SLC12A5: variants seen among roughly 807,000 people sequenced by gnomAD.
The protein encoded by SLC12A5 is K-Cl cotransporter 2.
SLC12A5 carries 18 observed loss-of-function variants against 124.0 expected under a neutral mutation model. The observed-to-expected ratio is 0.15, with a 90% CI of 0.10 to 0.22. The LOEUF (loss-of-function observed/expected upper bound fraction) is 0.22. SLC12A5 is among the 10% of genes least tolerant of loss of function. The pLI is 1.00. For missense variants in SLC12A5, 867 were observed against 1,478.7 expected (o/e 0.59, Z 6.78); for synonymous variants, 589 against 568.0 (o/e 1.04, Z -0.53).
chr20:46,021,807 G>A, upstream of SLC12A5: 2 of 1,527,904 alleles, frequency 1.3e-6, no homozygotes, highest in Non-Finnish European at 8.7e-7. Flanking sequence ...CCCCCGCAGG[G>A]CCCGCCAGAA....
intron 1 of SLC12A5, among the ~76,000 whole-genome samples, chr20:46,029,904 A>T (rs1245625295): frequency 2.4e-5 from 3 of 126,102 alleles, no homozygotes; most frequent in South Asian, 5.3e-4. Context: ...GCGCGTGCGT[A>T]TGTGTGTGTG....
At position 46,043,620 on chromosome 20, in the gene SLC12A5, TTC is replaced by T; in HGVS notation, c.1238-11_1238-10del. The T allele has an allele frequency of 2.5e-6, 4 of 1,614,048 alleles. No individual in the cohort carries two copies. In the South Asian group the frequency reaches 3.3e-5, roughly 13 times the overall value. On this transcript the variant is annotated splice_polypyrimidine_tract_variant and intron_variant, in intron 9 of 25. Transcript: ENST00000243964. Reference sequence around the variant, plus strand: ...GCCCTGGCTTGAGTCCTAGCTGCACTTCTGTTTTGCAGGGATCATGGCTGGTT... The same window carrying T: ...GCCCTGGCTTGAGTCCTAGCTGCACTTGTTTTGCAGGGATCATGGCTGGTT...
In SLC12A5 at chr20:46,057,515, C is replaced by T. The variant is rs2084707675; in HGVS notation, c.3261C>T (p.Tyr1087=). The change falls in exon 26 of 26, where the codon TAC becomes TAT. Residue 1087 remains tyrosine (Y), a splice_region_variant and synonymous_variant. Transcript: ENST00000243964. The surrounding 1 kb of genome is among the most constrained non-coding windows in gnomAD (Gnocchi z 7.1). ...TCTTTCTCCTTGACCGGCTCTCAGA[C>T]ATGGAGTTTCTCGAGGTCCTCACAG... ...PPRNRNGDEN[Y]MEFLEVLTEH... is the part of the protein sequence containing the mutation. The T allele has an allele frequency of 1.2e-6, 2 of 1,613,990 alleles. No homozygotes were observed. Among genetic ancestry groups the T allele is most frequent in the South Asian group, 1.1e-5 (1 of 91,094 alleles).
At chr20:46,052,580 C>A (rs953020464) in intron 18 of SLC12A5, among the ~76,000 whole-genome samples, 1 of 152,218 alleles carries the variant, frequency 6.6e-6, no homozygotes, top group African/African-American at 2.4e-5. Flanking sequence ...GGTTTTGAAC[C>A]AGCCCGGAGG....
intron 7 of SLC12A5, 147 bp from the exon 8 acceptor site, chr20:46,041,182 A>G (rs2084543582): frequency 3.0e-6 from 2 of 662,698 alleles, no homozygotes; most frequent in Non-Finnish European, 5.0e-6. Context: ...AAAAAAGCCA[A>G]TGGCCAGGCT....
Position 46,037,259 on chromosome 20 carries a change from T to C in SLC12A5, c.486T>C (p.Gly162=). The change falls in exon 6 of 26, where the codon GGT becomes GGC. Residue 162 remains glycine, a synonymous_variant. Coordinates refer to ENST00000243964, the MANE Select transcript of SLC12A5 (RefSeq NM_020708.5). ...GATACCAGATTCTCCCTGCAGCTGG[T>C]GGCTCCTACTACATGATTTCCAGGT... ...AIATNGVVPA[G]GSYYMISRSL... The C allele has an allele frequency of 6.2e-7, 1 of 1,600,224 alleles. No individual in the cohort carries two copies. The highest frequency in any genetic ancestry group is 1.1e-5 in the South Asian group (1 of 89,246).
intron 18 of SLC12A5, 54 bp downstream of exon 18, chr20:46,051,924 G>T (rs991642569): frequency 1.5e-6 from 2 of 1,364,570 alleles, no homozygotes; most frequent in African/African-American, 1.5e-5. Flanking sequence ...GGGCTGTAGA[G>T]GGGTGGAACT....
chr20:46,051,985 G>A, intron 18 of SLC12A5, 115 bp downstream of exon 18: 1 of 929,696 alleles, frequency 1.1e-6, no homozygotes, highest in Non-Finnish European at 1.5e-6. Flanking sequence ...TGCGTGCCAA[G>A]TGTGGATTCA....
At chr20:46,050,158 C>T (rs1160603604) in intron 17 of SLC12A5, among the ~76,000 whole-genome samples, 3 of 152,258 alleles carry the variant, frequency 2.0e-5, no homozygotes, top group African/African-American at 7.2e-5. Context: ...GCTGTGGACT[C>T]TTGATCCCTA....
intron 4 of SLC12A5, 150 bp from the exon 5 acceptor site, chr20:46,036,591 G>A (rs2084500562): frequency 2.9e-6 from 2 of 684,788 alleles, no homozygotes; most frequent in Non-Finnish European, 5.0e-6. Context: ...GGACTTGGCA[G>A]GAGTAGAAGT....
intron 18 of SLC12A5, 31 bp from the exon 19 acceptor site, chr20:46,052,926 C>T: frequency 6.3e-7 from 1 of 1,577,560 alleles, no homozygotes; most frequent in Admixed American, 1.7e-5. Context: ...TCACTGTTTC[C>T]CCCTCTGGCC....
intron 4 of SLC12A5, 160 bp downstream of exon 4, chr20:46,036,083 A>G: frequency 2.4e-6 from 2 of 842,038 alleles, no homozygotes; most frequent in South Asian, 2.2e-5. Flanking sequence ...TCCTTCCTGC[A>G]TCTCACAGGC....
chr20:46,057,818 T>C lies in SLC12A5; in HGVS notation c.*213T>C. 1 of 505,462 alleles carries C rather than the reference T, an allele frequency of 2.0e-6. No homozygotes were observed. The highest frequency in any genetic ancestry group is 3.0e-5 in the South Asian group (1 of 33,096). The allele number at this position is 505,462 out of a possible 1,614,324, so 31.3% of individuals were successfully genotyped here. ...GAGACCAGAGCTCCTCAGTGCCAGT[T>C]TGGCCCCTGGGTCTTCGCTGCCCTT... is the stretch of plus-strand genomic sequence containing the variant. On this transcript the variant is annotated 3_prime_UTR_variant, in exon 26 of 26. Coordinates refer to ENST00000243964, the MANE Select transcript of SLC12A5 (RefSeq NM_020708.5). This position sits in a 1 kb window ranked among gnomAD's most constrained non-coding sequence, Gnocchi z 7.1.
intron 13 of SLC12A5, among the ~76,000 whole-genome samples, 155 bp from the exon 14 acceptor site, chr20:46,046,183 G>T (rs559597693): frequency 1.3e-5 from 2 of 152,174 alleles, no homozygotes; most frequent in South Asian, 4.2e-4. Context: ...GTGTTGTGAG[G>T]GTATTTGGCT....
At chr20:46,054,271 C>G (rs1270847296) in intron 20 of SLC12A5, among the ~76,000 whole-genome samples, 1 of 152,190 alleles carries the variant, frequency 6.6e-6, no homozygotes, top group South Asian at 2.1e-4. Flanking sequence ...AAAAATACAG[C>G]AAAAATACAG....
At chr20:46,041,047 G>GTTT in intron 7 of SLC12A5, 1 of 410,450 alleles carries the variant, frequency 2.4e-6, no homozygotes, top group Non-Finnish European at 4.5e-6. Flanking sequence ...TCCATCCACT[G>GTTT]CTCAGAGGTG....
At position 46,043,239 on chromosome 20, in the gene SLC12A5, A is replaced by G; in HGVS notation, c.1153A>G (p.Ile385Val). 1.2e-6 allele frequency: 2 copies of G among 1,613,872 alleles called. No individual in the cohort carries two copies. Among genetic ancestry groups the G allele is most frequent in the African/African-American group, 1.3e-5 (1 of 74,934 alleles). ...GGTGGGCCTGGCCGATGGCACTCCT[A>G]TCGACATGGACCACCCTTATGTCTT... ...TSVGLADGTP[I>V]DMDHPYVFSD... Residue 385 changes from isoleucine to valine, a missense_variant, in exon 9 of 26, where the codon ATC becomes GTC. By Grantham distance (29) the Ile-to-Val change is conservative. This residue lies in a region of SLC12A5 where 127 missense variants were observed against 164.1 expected (regional missense o/e 0.77). Transcript: ENST00000243964.
At chr20:46,021,889 A>G (rs1327798486) in intron 1 of SLC12A5, 1 of 1,523,296 alleles carries the variant, frequency 6.6e-7, no homozygotes, top group Non-Finnish European at 8.8e-7. Context: ...CGTCAAAGGT[A>G]GAGGCCGCAG....
In SLC12A5 at chr20:46,056,837, C is replaced by T; in HGVS notation, c.3111-60C>T. Reference sequence around the variant, plus strand: ...CCATGGCCCAAGCCCCCAGTGTCTTCCTCTTTTTCTGACTCTGCTCTTTTT... The same window carrying T: ...CCATGGCCCAAGCCCCCAGTGTCTTTCTCTTTTTCTGACTCTGCTCTTTTT... On this transcript the variant is annotated intron_variant, in intron 23 of 25. Transcript: ENST00000243964. This position sits in a 1 kb window ranked among gnomAD's most constrained non-coding sequence, Gnocchi z 4.3. 1 of 1,570,804 alleles carries T rather than the reference C, an allele frequency of 6.4e-7. No homozygotes were observed. The highest frequency in any genetic ancestry group is 8.8e-7 in the Non-Finnish European group (1 of 1,141,786).
Sources: gnomAD v4.1 joint callset for allele counts (sites outside exome capture counted in the v4.1 genomes callset) on GRCh38, gnomAD v4.1.1 for gene constraint, gnomAD v4.1.1 regional missense constraint, Gnocchi (gnomAD v3.1) non-coding constraint, MANE v1.5 for transcripts, NCBI Gene and HGNC (gene_info 2026-07-23, HGNC 2026-07-21) for gene names.